TEAD1: variants seen among roughly 807,000 people sequenced by gnomAD.
TEAD1 encodes the protein TEA domain transcription factor 1, also known as transcriptional enhancer factor TEF-1.
TEAD1 carries 9 observed loss-of-function variants against 54.9 expected under a neutral mutation model. That is an observed-to-expected ratio of 0.16 (90% CI 0.10 to 0.29). TEAD1 has a LOEUF of 0.29. Ranked by LOEUF, TEAD1 falls within the 10% of genes least tolerant of loss-of-function variation. The probability of loss-of-function intolerance (pLI) is 1.00; values close to 1 mark genes in which losing one functional copy is unlikely to be tolerated. For synonymous variants in TEAD1, 200 were observed against 187.8 expected, an observed-to-expected ratio of 1.07 and a Z score of -0.53; for missense variants, 387 against 535.9, an observed-to-expected ratio of 0.72 and a Z score of 2.74.
intron 3 of TEAD1, among the ~76,000 whole-genome samples, chr11:12,792,777 T>G (rs73423682): frequency 6.6e-6 from 1 of 152,160 alleles, no homozygotes; most frequent in Non-Finnish European, 1.5e-5. Context: ...CAAAATGAGC[T>G]GGGCATGGTG....
chr11:12,781,902 T>C (rs905856032), intron 3 of TEAD1, among the ~76,000 whole-genome samples: 5 of 133,024 alleles, frequency 3.8e-5, no homozygotes, highest in Non-Finnish European at 7.7e-5. Context: ...ATCGTGTGAG[T>C]CTAGGAGTTA....
rs1205481573 is a variant in TEAD1 at position 12,901,988 on chromosome 11, A to G, written c.748A>G (p.Ser250Gly). 3 of 1,614,126 alleles carry G rather than the reference A, an allele frequency of 1.9e-6. No individual in the cohort carries two copies. The highest frequency in any genetic ancestry group is 2.2e-5 in the East Asian group (1 of 44,906). The change falls in exon 10 of 13, where the codon AGT becomes GGT. Residue 250 changes from serine (S) to glycine (G), a missense_variant. This residue lies in a region of TEAD1 where 180 missense variants were observed against 180.6 expected (regional missense o/e 1.00). Coordinates refer to ENST00000527636, the MANE Select transcript of TEAD1 (RefSeq NM_021961.6). ...CATTGGGCATGCCAACCATTCTTAC[A>G]GTGACCCATTGCTTGAATCAGTGGA...
intron 2 of TEAD1, among the ~76,000 whole-genome samples, chr11:12,747,376 T>G (rs1466182575): frequency 6.6e-6 from 1 of 152,144 alleles, no homozygotes; most frequent in Non-Finnish European, 1.5e-5. Context: ...TGCTATGTCA[T>G]CCAGGCTGGA....
At chr11:12,876,574 T>G (rs936158325) in intron 5 of TEAD1, among the ~76,000 whole-genome samples, 5 of 152,154 alleles carry the variant, frequency 3.3e-5, no homozygotes, top group African/African-American at 4.8e-5. Flanking sequence ...GATGTGTCAG[T>G]CAGGCAGGCA....
chr11:12,835,608 C>T (rs1263250966), intron 3 of TEAD1, among the ~76,000 whole-genome samples: 1 of 151,954 alleles, frequency 6.6e-6, no homozygotes, highest in African/African-American at 2.4e-5. Flanking sequence ...GCGTGAGCCA[C>T]CGTACCCGGT....
intron 2 of TEAD1, among the ~76,000 whole-genome samples, chr11:12,757,135 C>T (rs1822802343): frequency 6.6e-6 from 1 of 152,198 alleles, no homozygotes; most frequent in African/African-American, 2.4e-5. Context: ...ACTTCTCTCT[C>T]CTCCTGGGCT....
At chr11:12,786,949 C>T (rs2133956061) in intron 3 of TEAD1, among the ~76,000 whole-genome samples, 1 of 152,264 alleles carries the variant, frequency 6.6e-6, no homozygotes, top group African/African-American at 2.4e-5. Context: ...CTCGGGCATG[C>T]CTCATGTGTT....
rs1174214450 is a variant in TEAD1, at chr11:12,879,817, G to A, written c.440G>A (p.Arg147His). ...AAGCTGGGGCTGCCTGGGATTCCAC[G>A]CCCGACCTTCCCAGGGGCGCCGGGG... The change falls in exon 6 of 13, where the codon CGC (arginine) becomes CAC (histidine). Residue 147 changes from arginine (R) to histidine (H), a missense_variant. Physicochemically the swap from Arg to His is conservative, Grantham distance 29 (BLOSUM62 0). Coordinates refer to ENST00000527636, the MANE Select transcript of TEAD1 (RefSeq NM_021961.6). 5.0e-6 allele frequency: 8 copies of A among 1,613,758 alleles called. No individual in the cohort carries two copies. Among genetic ancestry groups the A allele is most frequent in the South Asian group, 3.3e-5 (3 of 91,078 alleles).
intron 2 of TEAD1, among the ~76,000 whole-genome samples, chr11:12,719,361 C>T (rs1471530452): frequency 2.6e-5 from 4 of 151,902 alleles, no homozygotes; most frequent in South Asian, 2.1e-4. Context: ...TCTATATGCT[C>T]ACATTAACAA....
rs61878774 is a variant in TEAD1, at chr11:12,857,066, C to T, written c.203-5184C>T. 1.3e-3 allele frequency among the ~76,000 whole-genome samples: 205 copies of T among 152,276 alleles called. 1 individual carries two copies. Among genetic ancestry groups the T allele is most frequent in the Admixed American group, 2.5e-3 (38 of 15,302 alleles). ...CCAGTCTTCTATCTGGTAAGGCAAG[C>T]GCAGTGCAAACTCCATGCCTTTCTT... On this transcript the variant is annotated intron_variant, in intron 3 of 12. Transcript: ENST00000527636.
At chr11:12,892,617 C>G (rs1459292339) in intron 9 of TEAD1, among the ~76,000 whole-genome samples, 1 of 152,152 alleles carries the variant, frequency 6.6e-6, no homozygotes, top group Non-Finnish European at 1.5e-5. Flanking sequence ...GCTCTCCAGC[C>G]TGGGCAACAG....
At chr11:12,859,947 A>G (rs550136684) in intron 3 of TEAD1, among the ~76,000 whole-genome samples, 1 of 152,302 alleles carries the variant, frequency 6.6e-6, no homozygotes, top group African/African-American at 2.4e-5. Flanking sequence ...TAACAGAGGT[A>G]GAGTATTTAG....
chr11:12,923,701 G>A (rs976966484), intron 10 of TEAD1, among the ~76,000 whole-genome samples: 3 of 152,304 alleles, frequency 2.0e-5, no homozygotes, highest in Middle Eastern at 3.4e-3. Flanking sequence ...GGATGTCCAA[G>A]ATCGAATCTG....
chr11:12,815,454 G>A (rs1946395547), intron 3 of TEAD1, among the ~76,000 whole-genome samples: 1 of 152,156 alleles, frequency 6.6e-6, no homozygotes, highest in African/African-American at 2.4e-5. Flanking sequence ...ATTAAGTAGA[G>A]GAATCTGGAG....
At chr11:12,855,280 TTTTC>T (rs975699963) in intron 3 of TEAD1, among the ~76,000 whole-genome samples, 13 of 152,042 alleles carry the variant, frequency 8.6e-5, no homozygotes, top group South Asian at 6.2e-4. Context: ...TTTTTTTCTT[TTTTC>T]TTTCTTTCTT....
At chr11:12,852,328 C>T (rs1427127213) in intron 3 of TEAD1, among the ~76,000 whole-genome samples, 1 of 152,062 alleles carries the variant, frequency 6.6e-6, no homozygotes, top group Non-Finnish European at 1.5e-5. Context: ...AAAGAAAAGA[C>T]AAATGCCTGC....
intron 10 of TEAD1, among the ~76,000 whole-genome samples, chr11:12,913,025 C>G (rs1564988180): frequency 2.6e-5 from 4 of 152,134 alleles, no homozygotes; most frequent in African/African-American, 9.7e-5. Context: ...TTGATTCATG[C>G]TGTCACCTTT....
intron 11 of TEAD1, among the ~76,000 whole-genome samples, chr11:12,928,519 C>A (rs1388408615): frequency 6.6e-6 from 1 of 152,076 alleles, no homozygotes; most frequent in African/African-American, 2.4e-5. Context: ...ATCTGCCTAC[C>A]TCAGCCTACC....
chr11:12,751,236 A>T (rs1944862533), intron 2 of TEAD1, among the ~76,000 whole-genome samples: 1 of 148,830 alleles, frequency 6.7e-6, no homozygotes, highest in South Asian at 2.2e-4. Flanking sequence ...CTGGAGGCTG[A>T]GGCTGCAGTG....
Sources: gnomAD v4.1 joint callset for allele counts (sites outside exome capture counted in the v4.1 genomes callset) on GRCh38, gnomAD v4.1.1 for gene constraint, gnomAD v4.1.1 regional missense constraint, MANE v1.5 for transcripts, NCBI Gene and HGNC (gene_info 2026-07-23, HGNC 2026-07-21) for gene names.